Variants in PCDH15 observed in about 807,000 individuals in gnomAD.
The protein encoded by PCDH15 is protocadherin related 15, also known as protocadherin-15.
PCDH15 carries 129 observed loss-of-function variants against 178.5 expected under a neutral mutation model. That is an observed-to-expected ratio of 0.72 (90% CI 0.63 to 0.84). PCDH15 has a LOEUF of 0.84. PCDH15 is among the 40% of genes least tolerant of loss of function. PCDH15 has a pLI of 0.00. For synonymous variants in PCDH15, 800 were observed against 732.0 expected (o/e 1.09, Z -1.50); for missense variants, 2,230 against 2,099.9 (o/e 1.06, Z -1.21).
At chr10:55,232,362 T>TA (rs1841251134) in intron 1 of PCDH15, among the ~76,000 whole-genome samples, 1 of 152,082 alleles carries the variant, frequency 6.6e-6, no homozygotes, top group South Asian at 2.1e-4. Context: ...TATGAAATAA[T>TA]AATTTTGGAA....
intron 6 of PCDH15, among the ~76,000 whole-genome samples, chr10:54,333,168 G>A (rs144680381): frequency 3.6e-4 from 55 of 152,036 alleles, no homozygotes; most frequent in African/African-American, 1.2e-3. Flanking sequence ...GTCTGGTCTC[G>A]AACTCCTGAC....
chr10:54,535,709 CAAA>C (rs71010382), intron 2 of PCDH15, among the ~76,000 whole-genome samples: 3 of 42,602 alleles, frequency 7.0e-5, no homozygotes, highest in South Asian at 1.4e-3. Context: ...GACTCCACCT[CAAA>C]AAAAAAAAAA....
At chr10:54,933,454 G>A (rs1837831055) in intron 2 of PCDH15, among the ~76,000 whole-genome samples, 1 of 152,172 alleles carries the variant, frequency 6.6e-6, no homozygotes, top group Admixed American at 6.5e-5. Flanking sequence ...TTCTTGAAGT[G>A]TAGATTAGAA....
intron 1 of PCDH15, among the ~76,000 whole-genome samples, chr10:55,234,580 C>T (rs1041921370): frequency 6.6e-6 from 1 of 151,818 alleles, no homozygotes; most frequent in Non-Finnish European, 1.5e-5. Flanking sequence ...GGGGTCTCAC[C>T]ATGTTGCCGA....
chr10:53,806,370 G>C lies in PCDH15; in HGVS notation c.*209C>G, dbSNP rs1028632011. 3 of 510,046 alleles carry C rather than the reference G, an allele frequency of 5.9e-6. No homozygotes were observed. The highest frequency in any genetic ancestry group is 1.0e-5 in the Non-Finnish European group (3 of 292,580). The allele number at this position is 510,046 out of a possible 1,614,324, so 31.6% of individuals were successfully genotyped here. A position where few individuals can be genotyped will look rare whatever the true frequency, so the allele number is the denominator to read the frequency against. Reference sequence around the variant, plus strand: ...TTAAACGATAGGTTATTTAGTGAAAGTATGTCCAAAAGGATTTTCTGGGAA... The same window carrying C: ...TTAAACGATAGGTTATTTAGTGAAACTATGTCCAAAAGGATTTTCTGGGAA... On this transcript the variant is annotated 3_prime_UTR_variant, in exon 38 of 38. Transcript: ENST00000644397.
intron 6 of PCDH15, among the ~76,000 whole-genome samples, chr10:54,337,563 A>G (rs1013061676): frequency 6.6e-6 from 1 of 152,184 alleles, no homozygotes; most frequent in African/African-American, 2.4e-5. Context: ...ACGGACTAAC[A>G]CAACAATAAA....
At chr10:54,267,142 GTGATTTATCACATAAAGAGAAT>G (rs1412988954) in intron 8 of PCDH15, among the ~76,000 whole-genome samples, 2 of 151,720 alleles carry the variant, frequency 1.3e-5, no homozygotes, top group African/African-American at 4.8e-5. Flanking sequence ...ATCAATTAAT[GTGATTTATCACATAAAGAGAAT>G]TAAAAATGAA....
At chr10:55,441,369 T>C (rs910919104) in intron 2 of PCDH15, among the ~76,000 whole-genome samples, 18 of 152,206 alleles carry the variant, frequency 1.2e-4, no homozygotes, top group African/African-American at 4.3e-4. Flanking sequence ...AATTTTCATT[T>C]CCCAAATAAA....
chr10:55,234,252 G>C (rs1841310437), intron 1 of PCDH15, among the ~76,000 whole-genome samples: 1 of 151,926 alleles, frequency 6.6e-6, no homozygotes, highest in Admixed American at 6.6e-5. Flanking sequence ...ACTTTTCTTT[G>C]ACATGAAAGT....
intron 11 of PCDH15, among the ~76,000 whole-genome samples, chr10:54,192,865 A>G (rs2049174768): frequency 6.6e-6 from 1 of 152,066 alleles, no homozygotes; most frequent in African/African-American, 2.4e-5. Context: ...TCTCAGGGAA[A>G]TTTTCTCTCC....
intron 2 of PCDH15, among the ~76,000 whole-genome samples, chr10:55,127,258 G>A (rs530489660): frequency 6.6e-6 from 1 of 151,964 alleles, no homozygotes; most frequent in Admixed American, 6.6e-5. Context: ...TTTAATCATG[G>A]CTCAGATTAA....
chr10:55,561,248 C>T (rs1484819960), intron 2 of PCDH15, among the ~76,000 whole-genome samples: 1 of 151,700 alleles, frequency 6.6e-6, no homozygotes, highest in East Asian at 1.9e-4. Context: ...TTTATATAAA[C>T]TTATTTTATT....
At chr10:54,162,051 G>A (rs551431268) in intron 13 of PCDH15, among the ~76,000 whole-genome samples, 130 of 152,072 alleles carry the variant, frequency 8.5e-4, no homozygotes, top group Middle Eastern at 6.8e-3. Context: ...TAAAGTTATC[G>A]AAAATAACAA....
In PCDH15 at chr10:54,369,060, G is replaced by A. The variant is rs577874954; in HGVS notation, c.474+60C>T. 116 of 1,538,696 alleles carry A rather than the reference G, an allele frequency of 7.5e-5. No individual in the cohort carries two copies. The African/African-American group carries it at 1.4e-3, about 18-fold the overall frequency. ...AAGGAATCATTTATAAACATTTATT[G>A]TATATAGTTAGATACATATATCAAC... On this transcript the variant is annotated intron_variant, in intron 5 of 37. Transcript: ENST00000644397.
chr10:54,420,332 G>T (rs1358215506), intron 3 of PCDH15, among the ~76,000 whole-genome samples: 1 of 152,020 alleles, frequency 6.6e-6, no homozygotes, highest in Non-Finnish European at 1.5e-5. Context: ...CATTTAAGCT[G>T]AAACCTCCAG....
At chr10:55,156,679 A>G (rs902837482) in intron 2 of PCDH15, among the ~76,000 whole-genome samples, 6 of 152,198 alleles carry the variant, frequency 3.9e-5, no homozygotes, top group Admixed American at 2.0e-4. Context: ...AGTAGTTGCA[A>G]TCTCTAGAGA....
chr10:54,694,059 T>C (rs1452047618), intron 1 of PCDH15, among the ~76,000 whole-genome samples: 1 of 152,114 alleles, frequency 6.6e-6, no homozygotes, highest in Non-Finnish European at 1.5e-5. Context: ...TTTGGGACAA[T>C]TGTGGTAATT....
intron 2 of PCDH15, among the ~76,000 whole-genome samples, chr10:55,014,545 GTGAAAAAA>G (rs1432779464): frequency 2.0e-5 from 3 of 151,876 alleles, no homozygotes; most frequent in Non-Finnish European, 2.9e-5. Flanking sequence ...CTTCTATACA[GTGAAAAAA>G]TGAAAAAATG....
At chr10:54,670,881 T>A (rs781150524) in intron 1 of PCDH15, among the ~76,000 whole-genome samples, 3 of 152,168 alleles carry the variant, frequency 2.0e-5, no homozygotes, top group Non-Finnish European at 4.4e-5. Flanking sequence ...CATATTTTTT[T>A]ACCTAATATA....
Sources: allele counts gnomAD v4.1 joint callset (sites outside exome capture counted in the v4.1 genomes callset), GRCh38; gene constraint gnomAD v4.1.1; transcripts MANE v1.5; gene names NCBI Gene and HGNC (gene_info 2026-07-23, HGNC 2026-07-21).